Variants in FREM2 observed in about 807,000 individuals in gnomAD.
FREM2 encodes the protein FRAS1 related extracellular matrix 2, also known as FRAS1-related extracellular matrix protein 2.
In FREM2, 119 loss-of-function variants were observed where a neutral mutation model predicts 219.9. That is an observed-to-expected ratio of 0.54 (90% CI 0.47 to 0.63). FREM2 has a LOEUF of 0.63. Among genes scored for constraint, FREM2 ranks in the 30% least tolerant of loss-of-function variants. FREM2 has a pLI of 0.00. For missense variants in FREM2, 4,030 were observed against 3,993.6 expected (o/e 1.01, Z -0.25); for synonymous variants, 1,562 against 1,522.8 (o/e 1.03, Z -0.60).
intron 4 of FREM2, among the ~76,000 whole-genome samples, chr13:38,770,924 C>A (rs375637230): frequency 2.7e-3 from 417 of 151,992 alleles, no homozygotes; most frequent in Non-Finnish European, 5.0e-3. Flanking sequence ...TTTATACAAA[C>A]CGTATAGAAA....
At position 38,848,670 on chromosome 13, in the gene FREM2, TGTGA is replaced by T. The variant is rs755430545; in HGVS notation, c.6379+4_6379+7del. The T allele has an allele frequency of 4.4e-6, 7 of 1,608,552 alleles. No individual in the cohort carries two copies. The highest frequency in any genetic ancestry group is 1.7e-4 in the Middle Eastern group (1 of 6,002). ...GTCCATAAATGACTCTGTCTCCGAT[TGTGA>T]GTGTTTATTAATTTTATAATTTACA... On this transcript the variant is annotated splice_donor_variant and splice_donor_region_variant and intron_variant, in intron 8 of 23. Coordinates refer to ENST00000280481, the MANE Select transcript of FREM2 (RefSeq NM_207361.6). LOFTEE classifies it high-confidence loss of function.
chr13:38,876,437 A>C, intron 20 of FREM2, 55 bp downstream of exon 20: 1 of 1,439,792 alleles, frequency 6.9e-7, no homozygotes, highest in East Asian at 2.3e-5. Flanking sequence ...TTTGTTTTTC[A>C]TTTATTAGTA....
In FREM2 at chr13:38,852,704, C is replaced by CTTTTT. The variant is rs369947598; in HGVS notation, c.6925+850_6925+854dup. 3.8e-5 allele frequency among the ~76,000 whole-genome samples: 5 copies of CTTTTT among 131,392 alleles called. No homozygotes were observed. The South Asian group carries it at 1.0e-3, about 26-fold the overall frequency. 86.2% of individuals were successfully genotyped at this position (131,392 alleles called of 152,430 possible). On this transcript the variant is annotated intron_variant, in intron 11 of 23. Coordinates refer to ENST00000280481, the MANE Select transcript of FREM2 (RefSeq NM_207361.6). ...TGCAAATGTTGGGCCATGTCACCATCTTTTTTTTTTTTTTTTTTGAGACAG... is the reference window on the plus strand; with the variant it reads ...TGCAAATGTTGGGCCATGTCACCATCTTTTTTTTTTTTTTTTTTTTTTTGAGACAG...
rs532848378 is a variant in FREM2, at chr13:38,723,739, G to C, written c.5263+25952G>C. On this transcript the variant is annotated intron_variant, in intron 2 of 23. Transcript: ENST00000280481. ...TGACTATACGTCAAGAAGGGTACTAGCTATGTACCATTTAGAAAATAATCA... is the reference window on the plus strand; with the variant it reads ...TGACTATACGTCAAGAAGGGTACTACCTATGTACCATTTAGAAAATAATCA... 2.6e-5 allele frequency among the ~76,000 whole-genome samples: 4 copies of C among 152,286 alleles called. No individual in the cohort carries two copies. In the South Asian group the frequency reaches 8.3e-4, roughly 32 times the overall value.
intron 6 of FREM2, among the ~76,000 whole-genome samples, chr13:38,798,495 G>A (rs900092573): frequency 5.8e-4 from 88 of 152,038 alleles, no homozygotes; most frequent in African/African-American, 2.1e-3. Flanking sequence ...GATTTTGGAA[G>A]TATTCCTTCT....
At chr13:38,753,640 T>C (rs1266590134) in intron 2 of FREM2, among the ~76,000 whole-genome samples, 1 of 152,262 alleles carries the variant, frequency 6.6e-6, no homozygotes, top group Non-Finnish European at 1.5e-5. Flanking sequence ...CAAAATTAGC[T>C]TGTAATTTAG....
chr13:38,696,909 G>A (rs1013786123), intron 1 of FREM2, among the ~76,000 whole-genome samples: 9 of 151,442 alleles, frequency 5.9e-5, no homozygotes, highest in Non-Finnish European at 1.3e-4. Flanking sequence ...CCAGGCTCAA[G>A]CAATTCTCCT....
intron 2 of FREM2, among the ~76,000 whole-genome samples, chr13:38,721,884 C>T (rs937517039): frequency 6.6e-5 from 10 of 152,120 alleles, no homozygotes; most frequent in African/African-American, 2.4e-4. Flanking sequence ...TCTGTCCTTC[C>T]TGTATACTAC....
chr13:38,767,933 C>T lies in FREM2; in HGVS notation c.5411-1645C>T, dbSNP rs1873504857. Among the ~76,000 whole-genome samples the T allele has an allele frequency of 2.0e-5, 3 of 152,190 alleles. No individual in the cohort carries two copies. In the South Asian group the frequency reaches 6.2e-4, roughly 32 times the overall value. ...ATATTTTTAATAAAATCTTTTTCAT[C>T]TTCACTTTAAGATTAAAATAACAGT... On this transcript the variant is annotated intron_variant, in intron 3 of 23. Coordinates refer to ENST00000280481, the MANE Select transcript of FREM2 (RefSeq NM_207361.6).
chr13:38,823,021 A>G (rs1275126622), intron 6 of FREM2, among the ~76,000 whole-genome samples: 1 of 152,112 alleles, frequency 6.6e-6, no homozygotes, highest in Non-Finnish European at 1.5e-5. Flanking sequence ...GAAAAGCATC[A>G]AAACAAATCA....
intron 2 of FREM2, among the ~76,000 whole-genome samples, chr13:38,745,454 T>C (rs1872426454): frequency 1.3e-5 from 2 of 152,312 alleles, no homozygotes; most frequent in Admixed American, 6.5e-5. Flanking sequence ...TTATTTTTCA[T>C]TGTGGTATAA....
intron 6 of FREM2, among the ~76,000 whole-genome samples, chr13:38,840,237 G>A (rs1876894732): frequency 1.3e-5 from 2 of 152,042 alleles, no homozygotes; most frequent in South Asian, 2.1e-4. Context: ...CACTTACCAG[G>A]TGAGGCAACG....
chr13:38,872,284 C>T (rs771605118), intron 16 of FREM2, among the ~76,000 whole-genome samples: 3 of 152,018 alleles, frequency 2.0e-5, no homozygotes, highest in Admixed American at 6.6e-5. Context: ...CAGGGACTGA[C>T]GGGGAGGAGG....
chr13:38,807,462 A>G (rs1295040465), intron 6 of FREM2, among the ~76,000 whole-genome samples: 1 of 151,288 alleles, frequency 6.6e-6, no homozygotes. Flanking sequence ...GACCAGATCT[A>G]TCAGATAAAT....
chr13:38,838,143 A>G (rs1307022734), intron 6 of FREM2, among the ~76,000 whole-genome samples: 2 of 152,160 alleles, frequency 1.3e-5, no homozygotes, highest in Admixed American at 1.3e-4. Flanking sequence ...GAGCTCCGGT[A>G]AGGCAGGCCT....
At chr13:38,744,616 C>T (rs944032165) in intron 2 of FREM2, among the ~76,000 whole-genome samples, 5 of 152,070 alleles carry the variant, frequency 3.3e-5, no homozygotes, top group South Asian at 2.1e-4. Context: ...CTCAGCCTCC[C>T]GAGTAGCTGG....
intron 6 of FREM2, among the ~76,000 whole-genome samples, chr13:38,837,039 G>C (rs889729034): frequency 2.6e-5 from 4 of 152,122 alleles, no homozygotes; most frequent in African/African-American, 9.7e-5. Flanking sequence ...ATGTTAGGGT[G>C]TTGATTTTAG....
At chr13:38,757,108 A>G (rs1873040544) in intron 2 of FREM2, among the ~76,000 whole-genome samples, 1 of 152,168 alleles carries the variant, frequency 6.6e-6, no homozygotes, top group South Asian at 2.1e-4. Flanking sequence ...AGGAATAATG[A>G]GAATCAGCCA....
chr13:38,859,397 C>G lies in FREM2; in HGVS notation c.7326C>G (p.Gly2442=). 6.2e-7 allele frequency: 1 copy of G among 1,614,190 alleles called. No homozygotes were observed. The highest frequency in any genetic ancestry group is 1.6e-4 in the Middle Eastern group (1 of 6,062). ...GGTGGCTGATTAGTGCACCTGCGGG[C>G]CCTGACGGTGTGACCAGCCCTATGA... ...RYRWLISAPA[G]PDGVTSPMRE... The change falls in exon 14 of 24, where the codon GGC becomes GGG. Residue 2442 remains glycine (G), a synonymous_variant. Coordinates refer to ENST00000280481, the MANE Select transcript of FREM2 (RefSeq NM_207361.6).
Sources: allele counts gnomAD v4.1 joint callset (sites outside exome capture counted in the v4.1 genomes callset), GRCh38; gene constraint gnomAD v4.1.1; transcripts MANE v1.5; gene names NCBI Gene and HGNC (gene_info 2026-07-23, HGNC 2026-07-21).